The following RAB38 variants were observed in gnomAD, a reference collection of about 807,000 sequenced individuals.
The protein encoded by RAB38 is ras-related protein Rab-38.
In RAB38, 15 loss-of-function variants were observed where a neutral mutation model predicts 18.4. That is an observed-to-expected ratio of 0.82 (90% confidence interval 0.55 to 1.26). The LOEUF (loss-of-function observed/expected upper bound fraction) is 1.26, where lower values mean the gene tolerates loss of function less well. RAB38 is among the 50% of genes most tolerant of loss of function. The pLI is 0.00. For synonymous variants in RAB38, 101 were observed against 104.4 expected, an observed-to-expected ratio of 0.97 and a Z score of 0.20; for missense variants, 294 against 267.4, an observed-to-expected ratio of 1.10 and a Z score of -0.69.
chr11:87,936,869 G>C, the RAB38 span, among the ~76,000 whole-genome samples: 1 of 152,096 alleles, frequency 6.6e-6, no homozygotes, highest in Non-Finnish European at 1.5e-5. Flanking sequence ...AGGAGGTTTT[G>C]TGTTTTGTTT....
chr11:87,950,048 T>G, the RAB38 span, among the ~76,000 whole-genome samples: 12 of 152,160 alleles, frequency 7.9e-5, no homozygotes, highest in Non-Finnish European at 1.3e-4. Context: ...GGTCACTCAG[T>G]ACTTGCTTTA....
At chr11:87,854,718 T>G in the RAB38 span, among the ~76,000 whole-genome samples, 1 of 152,208 alleles carries the variant, frequency 6.6e-6, no homozygotes, top group Non-Finnish European at 1.5e-5. Context: ...CTTAATTATG[T>G]AAAAACCAGA....
At chr11:87,933,128 C>G in the RAB38 span, among the ~76,000 whole-genome samples, 3 of 152,012 alleles carry the variant, frequency 2.0e-5, no homozygotes, top group Non-Finnish European at 4.4e-5. Flanking sequence ...GACTCAAGTT[C>G]CAGATTAGCC....
At chr11:88,027,930 T>C in the RAB38 span, among the ~76,000 whole-genome samples, 2 of 152,160 alleles carry the variant, frequency 1.3e-5, no homozygotes, top group African/African-American at 4.8e-5. Flanking sequence ...CCTCCTCAAG[T>C]GGGTCCCTGA....
the RAB38 span, among the ~76,000 whole-genome samples, chr11:87,846,367 GAC>G: frequency 6.6e-6 from 1 of 151,984 alleles, no homozygotes; most frequent in South Asian, 2.1e-4. Flanking sequence ...AATATATAAA[GAC>G]ACAAATAAGT....
the RAB38 span, among the ~76,000 whole-genome samples, chr11:87,888,581 G>T: frequency 6.6e-6 from 1 of 151,866 alleles, no homozygotes; most frequent in African/African-American, 2.4e-5. Flanking sequence ...CATCATTTAT[G>T]TACTAATCTG....
At chr11:87,804,442 A>C in the RAB38 span, among the ~76,000 whole-genome samples, 1 of 152,188 alleles carries the variant, frequency 6.6e-6, no homozygotes, top group Admixed American at 6.5e-5. Flanking sequence ...ACTGGTCAAC[A>C]GCCCACATTC....
the RAB38 span, among the ~76,000 whole-genome samples, chr11:87,861,426 A>G: frequency 6.6e-6 from 1 of 151,944 alleles, no homozygotes; most frequent in African/African-American, 2.4e-5. Flanking sequence ...CAGGGATGAA[A>G]CAAAGCTTTA....
intron 2 of RAB38, among the ~76,000 whole-genome samples, chr11:88,128,229 G>C (rs923409000): frequency 6.6e-6 from 1 of 152,184 alleles, no homozygotes; most frequent in Admixed American, 6.5e-5. Flanking sequence ...TTCACCAGCT[G>C]TGAAGGGAGA....
chr11:88,054,343 A>C, the RAB38 span, among the ~76,000 whole-genome samples: 2 of 152,216 alleles, frequency 1.3e-5, no homozygotes, highest in Non-Finnish European at 2.9e-5. Context: ...TAACAGCCTC[A>C]AGTTTTATGT....
chr11:88,147,892 C>CA (rs987955955), intron 2 of RAB38, among the ~76,000 whole-genome samples: 4 of 151,384 alleles, frequency 2.6e-5, no homozygotes, highest in African/African-American at 4.9e-5. Flanking sequence ...GACTCTGTCT[C>CA]AAAAAAACAA....
the RAB38 span, among the ~76,000 whole-genome samples, chr11:87,824,044 G>A: frequency 6.6e-6 from 1 of 152,034 alleles, no homozygotes; most frequent in Non-Finnish European, 1.5e-5. Flanking sequence ...TGAAAGATGA[G>A]GATTAGTTAA....
At chr11:87,843,887 A>C in the RAB38 span, among the ~76,000 whole-genome samples, 1 of 152,160 alleles carries the variant, frequency 6.6e-6, no homozygotes, top group African/African-American at 2.4e-5. Context: ...GAAATGTTCA[A>C]TTTGTTATAA....
At chr11:88,026,621 G>A in the RAB38 span, among the ~76,000 whole-genome samples, 70 of 139,766 alleles carry the variant, frequency 5.0e-4, no homozygotes, top group African/African-American at 1.6e-3. Context: ...CTCATGATCC[G>A]CCCGCCTCAG....
the RAB38 span, among the ~76,000 whole-genome samples, chr11:87,952,023 ACTGGCCTGGAG>A: frequency 6.6e-6 from 1 of 151,964 alleles, no homozygotes; most frequent in South Asian, 2.1e-4. Flanking sequence ...CTCCTCCCCT[ACTGGCCTGGAG>A]CTGAGTCAAT....
chr11:87,904,855 T>C, the RAB38 span, among the ~76,000 whole-genome samples: 2 of 151,794 alleles, frequency 1.3e-5, no homozygotes, highest in South Asian at 2.1e-4. Context: ...GGTGTGATTT[T>C]CTTTGCGTTT....
chr11:88,124,505 C>G (rs201062880), intron 2 of RAB38, among the ~76,000 whole-genome samples: 1 of 152,052 alleles, frequency 6.6e-6, no homozygotes, highest in East Asian at 1.9e-4. Flanking sequence ...TTTATGCAGC[C>G]AAAAGACACA....
At chr11:87,951,702 C>A in the RAB38 span, among the ~76,000 whole-genome samples, 1 of 152,072 alleles carries the variant, frequency 6.6e-6, no homozygotes, top group African/African-American at 2.4e-5. Flanking sequence ...GCGGAGGCTG[C>A]AGAACAGCGG....
At chr11:87,812,283 G>C in the RAB38 span, among the ~76,000 whole-genome samples, 1 of 152,008 alleles carries the variant, frequency 6.6e-6, no homozygotes, top group African/African-American at 2.4e-5. Context: ...CATTCTTGGG[G>C]ATGCTCTGAT....
Sources: allele counts gnomAD v4.1 joint callset (sites outside exome capture counted in the v4.1 genomes callset), GRCh38; gene constraint gnomAD v4.1.1; transcripts MANE v1.5; gene names NCBI Gene and HGNC (gene_info 2026-07-23, HGNC 2026-07-21).